Variants in R3HDM1 observed in about 807,000 individuals in gnomAD.
R3HDM1 encodes the protein R3H domain-containing protein 1.
A neutral mutation model predicts 141.1 loss-of-function variants in R3HDM1; 46 were observed. The ratio of observed to expected loss-of-function variants is 0.33; its 90% CI spans 0.26 to 0.42. The LOEUF (loss-of-function observed/expected upper bound fraction) is 0.42. R3HDM1 is among the 10% of genes least tolerant of loss of function. The probability of loss-of-function intolerance (pLI) is 1.00; values close to 1 mark genes in which losing one functional copy is unlikely to be tolerated. For missense variants in R3HDM1, 1,184 were observed against 1,368.3 expected (o/e 0.87, Z 2.12); for synonymous variants, 435 against 472.9 (o/e 0.92, Z 1.04).
In R3HDM1 at chr2:135,639,006, C is replaced by G. The variant is rs756964160; in HGVS notation, c.1103C>G (p.Ser368Cys). The G allele has an allele frequency of 7.4e-6, 12 of 1,614,156 alleles. No individual in the cohort carries two copies. The highest frequency in any genetic ancestry group is 7.6e-6 in the Non-Finnish European group (9 of 1,180,028). Residue 368 changes from serine to cysteine, a missense_variant, in exon 14 of 27, where the codon TCT becomes TGT. This residue lies in a region of R3HDM1 where 240 missense variants were observed against 312.3 expected (regional missense o/e 0.77). Coordinates refer to ENST00000683871, the MANE Select transcript of R3HDM1 (RefSeq NM_001378107.1). ...RPWSSTDSDS[S>C]LRNLKPAVTK... ...TGGAGCAGCACAGATTCAGACAGCT[C>G]TCTTCGAAACCTGAAACCTGCTGTA...
Position 135,699,969 on chromosome 2 carries a change from G to A in R3HDM1, c.2460-9464G>A, listed in dbSNP as rs114213623. 5.2e-3 allele frequency among the ~76,000 whole-genome samples: 794 copies of A among 152,226 alleles called. 8 individuals carry two copies. Among genetic ancestry groups the A allele is most frequent in the African/African-American group, 0.018 (737 of 41,546 alleles). On this transcript the variant is annotated intron_variant, in intron 21 of 26. Coordinates refer to ENST00000683871, the MANE Select transcript of R3HDM1 (RefSeq NM_001378107.1). ...AGTTAGCAATACTGTGCATAGAGAC[G>A]TTTAAACATTACTGGTTGCTAGGCA... is the stretch of plus-strand genomic sequence containing the variant.
intron 24 of R3HDM1, among the ~76,000 whole-genome samples, chr2:135,718,489 GTTGT>G (rs1296079851): frequency 6.6e-6 from 1 of 151,408 alleles, no homozygotes; most frequent in African/African-American, 2.5e-5. Context: ...TTTGTTTGTT[GTTGT>G]TTGTTTTGAG....
intron 1 of R3HDM1, among the ~76,000 whole-genome samples, chr2:135,556,315 C>T (rs79272972): frequency 0.05 from 7,587 of 151,720 alleles, 774 homozygotes; most frequent in East Asian, 0.46. Context: ...CACACTACTC[C>T]GAATATACAA....
chr2:135,599,743 A>G (rs914167316), intron 1 of R3HDM1, among the ~76,000 whole-genome samples: 1 of 152,200 alleles, frequency 6.6e-6, no homozygotes, highest in East Asian at 1.9e-4. Context: ...ATATCAAACA[A>G]GTTCATTAGC....
intron 21 of R3HDM1, among the ~76,000 whole-genome samples, chr2:135,704,155 A>G (rs2074587983): frequency 6.6e-6 from 1 of 151,980 alleles, no homozygotes; most frequent in Admixed American, 6.5e-5. Context: ...TAATTTTTGT[A>G]TTTTTAGTAG....
intron 24 of R3HDM1, 124 bp from the exon 25 acceptor site, chr2:135,721,800 C>T: frequency 1.5e-6 from 1 of 654,508 alleles, no homozygotes. Flanking sequence ...GTTGGCCAGG[C>T]TGGTCTCGAA....
At chr2:135,579,484 A>T (rs757117829) in intron 1 of R3HDM1, among the ~76,000 whole-genome samples, 4 of 152,130 alleles carry the variant, frequency 2.6e-5, no homozygotes, top group Non-Finnish European at 4.4e-5. Context: ...AAGAACTATC[A>T]GCAGATACTC....
chr2:135,575,463 T>C (rs889576318), intron 1 of R3HDM1, among the ~76,000 whole-genome samples: 2 of 152,206 alleles, frequency 1.3e-5, no homozygotes, highest in Non-Finnish European at 2.9e-5. Context: ...TTTACAGGCG[T>C]GAGCCAACAT....
chr2:135,553,718 G>A (rs1700222538), intron 1 of R3HDM1, among the ~76,000 whole-genome samples: 1 of 152,192 alleles, frequency 6.6e-6, no homozygotes, highest in Admixed American at 6.5e-5. Flanking sequence ...TTGAGACGGA[G>A]TCTCACTCTG....
chr2:135,644,125 G>A (rs968785190), intron 15 of R3HDM1, among the ~76,000 whole-genome samples: 17 of 152,274 alleles, frequency 1.1e-4, no homozygotes, highest in African/African-American at 3.4e-4. Context: ...AGATTATGGT[G>A]AATTTATTTT....
intron 3 of R3HDM1, chr2:135,607,208 C>T (rs2060149873): frequency 8.8e-6 from 4 of 454,372 alleles, no homozygotes; most frequent in Non-Finnish European, 1.2e-5. Flanking sequence ...AGGATGGTCT[C>T]GATCTCTTGA....
intron 7 of R3HDM1, among the ~76,000 whole-genome samples, chr2:135,629,515 C>T (rs2062419543): frequency 6.6e-6 from 1 of 152,000 alleles, no homozygotes; most frequent in Non-Finnish European, 1.5e-5. Flanking sequence ...TTTGTTGAAC[C>T]TTTCTATATA....
At chr2:135,562,696 G>A (rs1352151199) in intron 1 of R3HDM1, among the ~76,000 whole-genome samples, 1 of 152,088 alleles carries the variant, frequency 6.6e-6, no homozygotes, top group Admixed American at 6.5e-5. Flanking sequence ...ATTTTAAGTG[G>A]CCAGGTGCTT....
chr2:135,580,071 C>A (rs1345253973), intron 1 of R3HDM1, among the ~76,000 whole-genome samples: 1 of 151,966 alleles, frequency 6.6e-6, no homozygotes, highest in African/African-American at 2.4e-5. Flanking sequence ...CCAGCCTGGG[C>A]AATATGGCAA....
Position 135,709,541 on chromosome 2 carries a change from A to G in R3HDM1, c.2563+5A>G, listed in dbSNP as rs2075381202. On this transcript the variant is annotated splice_donor_5th_base_variant and intron_variant, in intron 22 of 26. Transcript: ENST00000683871. ...TTCAAGGCCACCAATGTACAGGTAT[A>G]AAGAAATCAGTGAAAATAAGATGAT... is the stretch of plus-strand genomic sequence containing the variant. The G allele has an allele frequency of 2.5e-6, 4 of 1,613,328 alleles. No homozygotes were observed. The highest frequency in any genetic ancestry group is 3.4e-6 in the Non-Finnish European group (4 of 1,179,596).
At chr2:135,616,219 G>A in intron 4 of R3HDM1, 26 bp downstream of exon 4, 1 of 1,596,270 alleles carries the variant, frequency 6.3e-7, no homozygotes, top group South Asian at 1.1e-5. Context: ...TGGTGTGCTG[G>A]CATGCCAAGG....
intron 18 of R3HDM1, among the ~76,000 whole-genome samples, chr2:135,656,015 T>C (rs2065840841): frequency 6.6e-6 from 1 of 152,206 alleles, no homozygotes. Flanking sequence ...CTGGTCATCA[T>C]TGATTTCATA....
intron 1 of R3HDM1, among the ~76,000 whole-genome samples, chr2:135,600,102 G>GTTTTTTTTTT (rs1559208218): frequency 2.3e-5 from 3 of 133,030 alleles, no homozygotes; most frequent in African/African-American, 8.7e-5. Flanking sequence ...AAGTTCGTAT[G>GTTTTTTTTTT]ATTTTTTTTT....
chr2:135,709,277 A>C (rs534454652), intron 21 of R3HDM1, among the ~76,000 whole-genome samples, 156 bp from the exon 22 acceptor site: 1 of 152,144 alleles, frequency 6.6e-6, no homozygotes, highest in Non-Finnish European at 1.5e-5. Flanking sequence ...GTTTCACCGT[A>C]TTAGCCAGGA....
Sources: allele counts gnomAD v4.1 joint callset (sites outside exome capture counted in the v4.1 genomes callset), GRCh38; gene constraint gnomAD v4.1.1; regional missense constraint gnomAD v4.1.1; transcripts MANE v1.5; gene names NCBI Gene and HGNC (gene_info 2026-07-23, HGNC 2026-07-21).